Variants in FBXL17 observed in about 807,000 individuals in gnomAD.
FBXL17 encodes the protein F-box and leucine rich repeat protein 17.
Under a neutral mutation model 66.2 loss-of-function variants are expected in FBXL17, and 22 were observed. The ratio of observed to expected loss-of-function variants is 0.33; its 90% CI spans 0.24 to 0.47. FBXL17 has a LOEUF of 0.47. FBXL17 is among the 20% of genes least tolerant of loss of function. FBXL17 has a pLI of 1.00. For synonymous variants in FBXL17, 474 were observed against 400.5 expected, an observed-to-expected ratio of 1.18 and a Z score of -2.19; for missense variants, 878 against 948.2, an observed-to-expected ratio of 0.93 and a Z score of 0.97.
chr5:108,030,586 C>T (rs968556707), intron 6 of FBXL17, among the ~76,000 whole-genome samples: 3 of 152,128 alleles, frequency 2.0e-5, no homozygotes, highest in African/African-American at 7.2e-5. Context: ...TTAATTAATA[C>T]AGTTACTGTT....
intron 2 of FBXL17, among the ~76,000 whole-genome samples, chr5:108,366,699 C>T (rs1748688522): frequency 1.3e-5 from 2 of 151,930 alleles, no homozygotes; most frequent in Non-Finnish European, 2.9e-5. Flanking sequence ...ATTCTACTGC[C>T]CACAACTAAC....
At chr5:108,105,444 A>T (rs2035747674) in intron 6 of FBXL17, among the ~76,000 whole-genome samples, 1 of 152,244 alleles carries the variant, frequency 6.6e-6, no homozygotes, top group African/African-American at 2.4e-5. Flanking sequence ...CTTTGGCCAC[A>T]TGCTGTTTTG....
At chr5:107,985,966 T>C (rs187245257) in intron 7 of FBXL17, among the ~76,000 whole-genome samples, 229 of 152,270 alleles carry the variant, frequency 1.5e-3, no homozygotes, top group African/African-American at 5.3e-3. Flanking sequence ...CTGTAGACTA[T>C]TGTCAATGTT....
intron 4 of FBXL17, among the ~76,000 whole-genome samples, chr5:108,333,470 T>G (rs1040829793): frequency 6.6e-6 from 1 of 152,116 alleles, no homozygotes; most frequent in African/African-American, 2.4e-5. Context: ...AAAAAACTCT[T>G]ACATCCAGAG....
intron 7 of FBXL17, among the ~76,000 whole-genome samples, chr5:107,980,645 A>AATATATATATATAT (rs61438456): frequency 2.9e-4 from 23 of 79,174 alleles, no homozygotes; most frequent in East Asian, 1.7e-3. Flanking sequence ...CCAATAAAAT[A>AATATATATATATAT]ATATATATAT....
rs540886002 is a variant in FBXL17, at chr5:107,935,447, G to A, written c.1823-54268C>T. Among the ~76,000 whole-genome samples, 54 of 151,666 alleles carry A rather than the reference G, an allele frequency of 3.6e-4. 1 individual carries two copies. The highest frequency in any genetic ancestry group is 3.4e-3 in the Middle Eastern group (1 of 294). On this transcript the variant is annotated intron_variant, in intron 7 of 8. Transcript: ENST00000542267. ...TGTGTGTGTATGTGTATGTGTGCGC[G>A]CCTTATCTCAAAATATTGTGTTTAA... is the stretch of plus-strand genomic sequence containing the variant.
chr5:108,205,579 G>GT (rs1391838511), intron 5 of FBXL17, among the ~76,000 whole-genome samples: 1 of 152,024 alleles, frequency 6.6e-6, no homozygotes, highest in Non-Finnish European at 1.5e-5. Flanking sequence ...TTTCTACAAT[G>GT]TTTTTTCCTT....
Position 108,274,484 on chromosome 5 carries a change from C to T in FBXL17, c.1507-50256G>A, listed in dbSNP as rs569035495. Among the ~76,000 whole-genome samples the T allele has an allele frequency of 1.3e-4, 20 of 152,198 alleles. No individual in the cohort carries two copies. The South Asian group carries it at 4.1e-3, about 32-fold the overall frequency. Reference sequence around the variant, plus strand: ...TCCTGAACGTTGCTGTTATCCTGTTCTTTTTTCAAGGTGCCCAAATTTCAT... The same window carrying T: ...TCCTGAACGTTGCTGTTATCCTGTTTTTTTTTCAAGGTGCCCAAATTTCAT... On this transcript the variant is annotated intron_variant, in intron 4 of 8. Coordinates refer to ENST00000542267, the MANE Select transcript of FBXL17 (RefSeq NM_001163315.3).
chr5:108,354,629 G>A (rs1286894032), intron 3 of FBXL17, among the ~76,000 whole-genome samples: 2 of 149,898 alleles, frequency 1.3e-5, no homozygotes, highest in East Asian at 2.0e-4. Context: ...ACAGACCCAA[G>A]AAGTTCAGAG....
At chr5:108,363,302 A>G (rs901413725) in intron 3 of FBXL17, among the ~76,000 whole-genome samples, 7 of 152,010 alleles carry the variant, frequency 4.6e-5, no homozygotes, top group Non-Finnish European at 1.0e-4. Flanking sequence ...TACTATACCC[A>G]TAACACTATT....
At chr5:108,155,318 C>T (rs1751951563) in intron 6 of FBXL17, among the ~76,000 whole-genome samples, 1 of 152,002 alleles carries the variant, frequency 6.6e-6, no homozygotes, top group Non-Finnish European at 1.5e-5. Context: ...AGTTTAAGAC[C>T]AGCCTGAGCA....
At chr5:108,316,436 T>C (rs1759367469) in intron 4 of FBXL17, among the ~76,000 whole-genome samples, 1 of 151,442 alleles carries the variant, frequency 6.6e-6, no homozygotes, top group Non-Finnish European at 1.5e-5. Flanking sequence ...AATTTATGAT[T>C]AATAAAATCC....
intron 4 of FBXL17, among the ~76,000 whole-genome samples, chr5:108,346,480 A>G (rs1747289039): frequency 6.6e-6 from 1 of 152,124 alleles, no homozygotes. Context: ...TTGGCTAAAA[A>G]TTGTTTGATT....
chr5:108,004,368 G>A (rs915129679), intron 7 of FBXL17, among the ~76,000 whole-genome samples: 1 of 151,982 alleles, frequency 6.6e-6, no homozygotes, highest in Non-Finnish European at 1.5e-5. Flanking sequence ...GTAAGAAATT[G>A]TATCTTATTT....
intron 7 of FBXL17, among the ~76,000 whole-genome samples, chr5:107,954,318 T>C (rs539267149): frequency 1.3e-5 from 2 of 152,352 alleles, no homozygotes; most frequent in East Asian, 3.9e-4. Flanking sequence ...TAAATACTTT[T>C]CCTGACATTT....
At chr5:108,136,867 T>C (rs1489289134) in intron 6 of FBXL17, among the ~76,000 whole-genome samples, 1 of 152,138 alleles carries the variant, frequency 6.6e-6, no homozygotes, top group African/African-American at 2.4e-5. Flanking sequence ...ATTTGATGAA[T>C]CCAGAATATT....
chr5:108,370,856 T>C (rs1425178741), intron 1 of FBXL17, among the ~76,000 whole-genome samples: 1 of 152,110 alleles, frequency 6.6e-6, no homozygotes, highest in Non-Finnish European at 1.5e-5. Context: ...CTAAAATATC[T>C]GGACAATATA....
chr5:108,233,337 C>T (rs935015982), intron 4 of FBXL17, among the ~76,000 whole-genome samples: 1 of 152,092 alleles, frequency 6.6e-6, no homozygotes, highest in Non-Finnish European at 1.5e-5. Context: ...TTTGCCAGCA[C>T]CATTTGTTGA....
chr5:108,339,970 C>T (rs1204780423), intron 4 of FBXL17, among the ~76,000 whole-genome samples: 1 of 151,664 alleles, frequency 6.6e-6, no homozygotes, highest in African/African-American at 2.4e-5. Flanking sequence ...TAATGCATTC[C>T]AAAGAAAAAT....
Sources: allele counts gnomAD v4.1 joint callset (sites outside exome capture counted in the v4.1 genomes callset), GRCh38; gene constraint gnomAD v4.1.1; transcripts MANE v1.5; gene names NCBI Gene and HGNC (gene_info 2026-07-23, HGNC 2026-07-21).